Variants in SORCS2 observed in about 807,000 individuals in gnomAD.
SORCS2 encodes sortilin related VPS10 domain containing receptor 2.
Under a neutral mutation model 141.6 loss-of-function variants are expected in SORCS2, and 100 were observed. That is an observed-to-expected ratio of 0.71 (90% CI 0.60 to 0.83). SORCS2 has a LOEUF of 0.83. Ranked by LOEUF, SORCS2 falls within the 40% of genes least tolerant of loss-of-function variation. The pLI is 0.00. For missense variants in SORCS2, 1,646 were observed against 1,560.2 expected (o/e 1.05, Z -0.93); for synonymous variants, 789 against 676.9 (o/e 1.17, Z -2.57).
intron 2 of SORCS2, chr4:7,434,677 T>C: frequency 6.2e-7 from 1 of 1,612,806 alleles, no homozygotes; most frequent in South Asian, 1.1e-5. Flanking sequence ...TGCTATGTCC[T>C]GGCATACGTC....
At chr4:7,510,791 C>A (rs1184494269) in intron 2 of SORCS2, among the ~76,000 whole-genome samples, 1 of 151,708 alleles carries the variant, frequency 6.6e-6, no homozygotes, top group Admixed American at 6.6e-5. Context: ...GCATCCAGGT[C>A]TCTGCTCAAC....
chr4:7,204,361 G>A (rs1727624745), intron 1 of SORCS2, among the ~76,000 whole-genome samples: 1 of 151,976 alleles, frequency 6.6e-6, no homozygotes, highest in Admixed American at 6.6e-5. Flanking sequence ...GAGTGCAGGT[G>A]CACGCCACCA....
chr4:7,714,115 C>G, intron 15 of SORCS2, 125 bp from the exon 16 acceptor site: 1 of 1,370,350 alleles, frequency 7.3e-7, no homozygotes, highest in Non-Finnish European at 9.7e-7. Context: ...TTATGGGCCT[C>G]AGTTTCCCCA....
chr4:7,332,100 A>C (rs1372521629), intron 1 of SORCS2, among the ~76,000 whole-genome samples: 1 of 152,180 alleles, frequency 6.6e-6, no homozygotes, highest in East Asian at 1.9e-4. Flanking sequence ...ATGTTTAGTG[A>C]GCACCAACTG....
At chr4:7,538,606 C>A (rs1712323451) in intron 3 of SORCS2, among the ~76,000 whole-genome samples, 1 of 152,098 alleles carries the variant, frequency 6.6e-6, no homozygotes, top group African/African-American at 2.4e-5. Context: ...CACACACACA[C>A]ACACATTTTC....
chr4:7,401,025 A>G lies in SORCS2; in HGVS notation c.548+4670A>G, dbSNP rs565981968. ...TAGGTGGATAGATGAATTGATGGAC[A>G]GGTGGATGGATGGACGGACAGATGG... On this transcript the variant is annotated intron_variant, in intron 2 of 26. Transcript: ENST00000507866. Among the ~76,000 whole-genome samples, 1,087 of 150,240 alleles carry G rather than the reference A, an allele frequency of 7.2e-3. 5 individuals carry two copies. Among genetic ancestry groups the G allele is most frequent in the Middle Eastern group, 0.019 (5 of 266 alleles).
At chr4:7,394,887 A>T (rs1029407135) in intron 1 of SORCS2, among the ~76,000 whole-genome samples, 1 of 152,138 alleles carries the variant, frequency 6.6e-6, no homozygotes, top group African/African-American at 2.4e-5. Flanking sequence ...GGCCGGATCA[A>T]ACAGACTTTG....
intron 2 of SORCS2, among the ~76,000 whole-genome samples, chr4:7,451,785 G>A (rs904117769): frequency 6.6e-6 from 1 of 152,218 alleles, no homozygotes; most frequent in Non-Finnish European, 1.5e-5. Flanking sequence ...GTGCAGGATT[G>A]CAGAGGAGTG....
chr4:7,658,641 T>A (rs983284107), intron 5 of SORCS2, among the ~76,000 whole-genome samples: 4 of 151,828 alleles, frequency 2.6e-5, no homozygotes, highest in African/African-American at 9.7e-5. Context: ...TACAGGGGAG[T>A]CCCAGCTGGC....
At chr4:7,598,587 G>A (rs1024449588) in intron 3 of SORCS2, among the ~76,000 whole-genome samples, 4 of 152,180 alleles carry the variant, frequency 2.6e-5, no homozygotes, top group African/African-American at 7.2e-5. Flanking sequence ...GCGGCTGTGT[G>A]GGGGGCAATG....
rs1452651104 is a variant in SORCS2 at position 7,683,358 on chromosome 4, ATCTTGTCTGGGCTCAGCTGGGTG to A, written c.1488+470_1488+492del. Among the ~76,000 whole-genome samples the A allele has an allele frequency of 4.2e-5, 6 of 141,616 alleles. No individual in the cohort carries two copies. The East Asian group carries it at 6.1e-4, about 14-fold the overall frequency. The allele number at this position is 141,616 out of a possible 152,430, so 92.9% of individuals were successfully genotyped here. On this transcript the variant is annotated intron_variant, in intron 10 of 26. Coordinates refer to ENST00000507866, the MANE Select transcript of SORCS2 (RefSeq NM_020777.3). Reference sequence around the variant, plus strand: ...TGGGCTCCGCTGAGCGGCTCTGCTGATCTTGTCTGGGCTCAGCTGGGTGGCTCTGCTGATCTTGTCTGGGCTCA... The same window carrying A: ...TGGGCTCCGCTGAGCGGCTCTGCTGAGCTCTGCTGATCTTGTCTGGGCTCA...
In SORCS2 at chr4:7,707,377, GA is replaced by G. The variant is rs527748444; in HGVS notation, c.1868+3095del. ...AGCTGGACGTCGGATTTAGCAACAA[GA>G]AGCCATCAGTTCCAGCTGAGCCAGG... On this transcript the variant is annotated intron_variant, in intron 14 of 26. Coordinates refer to ENST00000507866, the MANE Select transcript of SORCS2 (RefSeq NM_020777.3). 3.3e-4 allele frequency among the ~76,000 whole-genome samples: 50 copies of G among 152,308 alleles called. 1 individual carries two copies. The South Asian group carries it at 0.01, about 31-fold the overall frequency.
In SORCS2 at chr4:7,325,038, C is replaced by G. The variant is rs1577400263; in HGVS notation, c.481-71250C>G. ...AGGCAGTGGGGATGTGGGTGGCGCA[C>G]AGGACCTTGGGCTGCAGACGAGGCT... On this transcript the variant is annotated intron_variant, in intron 1 of 26. Transcript: ENST00000507866. Among the ~76,000 whole-genome samples the G allele has an allele frequency of 2.0e-5, 3 of 152,168 alleles. No individual in the cohort carries two copies. In the East Asian group the frequency reaches 5.8e-4, roughly 29 times the overall value.
At chr4:7,463,096 T>G (rs2109328098) in intron 2 of SORCS2, among the ~76,000 whole-genome samples, 1 of 151,856 alleles carries the variant, frequency 6.6e-6, no homozygotes, top group East Asian at 2.0e-4. Flanking sequence ...ATTGTACAGG[T>G]GAGGAAACTG....
chr4:7,239,972 C>T (rs1433188059), intron 1 of SORCS2, among the ~76,000 whole-genome samples: 3 of 152,190 alleles, frequency 2.0e-5, no homozygotes, highest in Admixed American at 6.5e-5. Context: ...CTGAGTGTCT[C>T]GTGGTGGCTT....
intron 1 of SORCS2, among the ~76,000 whole-genome samples, chr4:7,252,350 C>G (rs965359015): frequency 6.6e-6 from 1 of 151,826 alleles, no homozygotes; most frequent in African/African-American, 2.4e-5. Flanking sequence ...AGGATGGGCC[C>G]GGGTGGGGCA....
intron 1 of SORCS2, among the ~76,000 whole-genome samples, chr4:7,364,984 G>A (rs538329103): frequency 1.5e-4 from 23 of 152,376 alleles, no homozygotes; most frequent in South Asian, 1.5e-3. Context: ...GATCTCATCT[G>A]TGGAGTGTAG....
At chr4:7,473,202 C>T (rs1414999571) in intron 2 of SORCS2, among the ~76,000 whole-genome samples, 3 of 152,146 alleles carry the variant, frequency 2.0e-5, no homozygotes, top group South Asian at 4.1e-4. Flanking sequence ...ATAAAACATC[C>T]ACAAATATGT....
At chr4:7,615,639 C>A (rs1167652649) in intron 3 of SORCS2, among the ~76,000 whole-genome samples, 1 of 152,192 alleles carries the variant, frequency 6.6e-6, no homozygotes, top group Admixed American at 6.5e-5. Flanking sequence ...TAACTTCCTC[C>A]CACGGTAGAT....
Sources: gnomAD v4.1 joint callset for allele counts (sites outside exome capture counted in the v4.1 genomes callset) on GRCh38, gnomAD v4.1.1 for gene constraint, MANE v1.5 for transcripts, NCBI Gene and HGNC (gene_info 2026-07-23, HGNC 2026-07-21) for gene names.